The following TESMIN variants were observed in gnomAD, a reference collection of about 807,000 sequenced individuals.
TESMIN encodes testis expressed metallothionein like protein, also known as CXC domain containing 2.
In TESMIN, 34 loss-of-function variants were observed where a neutral mutation model predicts 47.4. That is an observed-to-expected ratio of 0.72 (90% CI 0.55 to 0.96). TESMIN has a LOEUF of 0.96. Ranked by LOEUF, TESMIN falls within the 40% of genes least tolerant of loss-of-function variation. TESMIN has a pLI of 0.00. For missense variants in TESMIN, 610 were observed against 637.2 expected (o/e 0.96, Z 0.46); for synonymous variants, 278 against 258.9 (o/e 1.07, Z -0.71).
intron 7 of TESMIN, among the ~76,000 whole-genome samples, chr11:68,714,382 C>T (rs1305456355): frequency 6.6e-6 from 1 of 151,534 alleles, no homozygotes; most frequent in Non-Finnish European, 1.5e-5. Flanking sequence ...TGTACCTGTG[C>T]ACACCTGTGT....
rs1476061595 is a variant in TESMIN, at chr11:68,750,260, C to T, written c.401G>A (p.Ser134Asn). ...GGCGCCCAGGGGCAACACCGCCGGG[C>T]TGCGGTGCGCGGGTAGCAGCGAGGA... ...FLSSLLPAHR[S>N]PAVLPLGAWV... The change falls in exon 2 of 10, where the codon AGC becomes AAC. Residue 134 changes from serine (S) to asparagine (N), a missense_variant. Transcript: ENST00000255087. The T allele has an allele frequency of 6.5e-7, 1 of 1,543,974 alleles. No individual in the cohort carries two copies. The highest frequency in any genetic ancestry group is 2.4e-5 in the East Asian group (1 of 41,316).
intron 4 of TESMIN, among the ~76,000 whole-genome samples, chr11:68,742,686 T>C (rs1946470878): frequency 6.6e-6 from 1 of 152,096 alleles, no homozygotes; most frequent in Non-Finnish European, 1.5e-5. Flanking sequence ...GTTCCCAAAT[T>C]GTGTGCCAAG....
intron 6 of TESMIN, chr11:68,737,950 AAAACAAAC>A (rs969537101): frequency 1.0e-6 from 1 of 983,802 alleles, no homozygotes; most frequent in South Asian, 4.7e-5. Context: ...AAAACAAGAA[AAAACAAAC>A]AAACAAACAA....
In TESMIN at chr11:68,708,424, C is replaced by T. The variant is rs367828046; in HGVS notation, c.1411G>A (p.Glu471Lys). The T allele has an allele frequency of 1.5e-5, 25 of 1,614,072 alleles. No homozygotes were observed. The highest frequency in any genetic ancestry group is 1.2e-4 in the African/African-American group (9 of 74,940). Residue 471 changes from glutamate (E) to lysine (K), a missense_variant, in exon 10 of 10, where the codon GAG (glutamate) becomes AAG (lysine). Physicochemically the swap from Glu to Lys is moderately conservative, Grantham distance 56 (BLOSUM62 1). Coordinates refer to ENST00000255087, the MANE Select transcript of TESMIN (RefSeq NM_004923.3). Reference sequence around the variant, plus strand: ...AGGCACTTGGAGCAGTGTTCTTTCTCGGCCTCTTCTCCCTGAGCAAGCAGG... The same window carrying T: ...AGGCACTTGGAGCAGTGTTCTTTCTTGGCCTCTTCTCCCTGAGCAAGCAGG... Reference protein sequence around the residue: ...ACLLAQGEEAEKEHCSKCLAE... With the variant: ...ACLLAQGEEAKKEHCSKCLAE...
At chr11:68,735,766 G>A (rs1946380236) in intron 6 of TESMIN, among the ~76,000 whole-genome samples, 1 of 152,258 alleles carries the variant, frequency 6.6e-6, no homozygotes, top group Admixed American at 6.5e-5. Flanking sequence ...AGGCAGCATA[G>A]TTCGGCACAG....
intron 2 of TESMIN, among the ~76,000 whole-genome samples, chr11:68,749,375 A>G (rs1946561114): frequency 1.3e-5 from 2 of 152,380 alleles, no homozygotes; most frequent in African/African-American, 4.8e-5. Context: ...AGCCATCTCA[A>G]TACTGACTCA....
At chr11:68,742,020 A>G (rs888539382) in intron 5 of TESMIN, among the ~76,000 whole-genome samples, 3 of 152,236 alleles carry the variant, frequency 2.0e-5, no homozygotes, top group Admixed American at 6.5e-5. Context: ...GAGGTGGAAT[A>G]TGCTGTTGGT....
chr11:68,720,131 C>G (rs1946188222), intron 6 of TESMIN, among the ~76,000 whole-genome samples: 1 of 152,146 alleles, frequency 6.6e-6, no homozygotes. Context: ...CAGAAAAAAC[C>G]TGACAACCTA....
chr11:68,734,569 C>T lies in TESMIN; in HGVS notation c.917+4131G>A, dbSNP rs11820323. Among the ~76,000 whole-genome samples, 882 of 152,342 alleles carry T rather than the reference C, an allele frequency of 5.8e-3. 10 individuals carry two copies. The highest frequency in any genetic ancestry group is 0.02 in the African/African-American group (822 of 41,572). ...TTTAATTTAGAATTCTGTGACAGGGCTGTCCCTGTGCCCAGTGGGGGCATG... is the reference window on the plus strand; with the variant it reads ...TTTAATTTAGAATTCTGTGACAGGGTTGTCCCTGTGCCCAGTGGGGGCATG... On this transcript the variant is annotated intron_variant, in intron 6 of 9. Coordinates refer to ENST00000255087, the MANE Select transcript of TESMIN (RefSeq NM_004923.3).
At chr11:68,718,275 A>G (rs112642957) in intron 6 of TESMIN, among the ~76,000 whole-genome samples, 3 of 150,566 alleles carry the variant, frequency 2.0e-5, no homozygotes, top group African/African-American at 7.3e-5. Flanking sequence ...AGGGGCCCAG[A>G]GAAACGGACC....
rs1009430857 is a variant in TESMIN at position 68,747,247 on chromosome 11, A to G, written c.591T>C (p.Asp197=). The G allele has an allele frequency of 1.2e-6, 2 of 1,614,238 alleles. No individual in the cohort carries two copies. The highest frequency in any genetic ancestry group is 2.2e-5 in the South Asian group (2 of 91,090). The change falls in exon 3 of 10, where the codon GAT becomes GAC. Residue 197 remains aspartate, a synonymous_variant. Transcript: ENST00000255087. ...CTTTCTTAAGAGAACAGCAGGAGGCATCCTCTAGTTCCTGGGACGATGGGA... is the reference window on the plus strand; with the variant it reads ...CTTTCTTAAGAGAACAGCAGGAGGCGTCCTCTAGTTCCTGGGACGATGGGA... ...CKFPSSQELE[D]ASCCSLKKDS... is the part of the protein sequence containing the mutation.
chr11:68,722,844 G>C (rs1946218775), intron 6 of TESMIN, among the ~76,000 whole-genome samples: 1 of 152,038 alleles, frequency 6.6e-6, no homozygotes, highest in Non-Finnish European at 1.5e-5. Context: ...ACAACTGATG[G>C]AATAATTCAC....
At chr11:68,725,073 A>G (rs779707624) in intron 6 of TESMIN, among the ~76,000 whole-genome samples, 27 of 152,154 alleles carry the variant, frequency 1.8e-4, no homozygotes, top group Non-Finnish European at 3.2e-4. Flanking sequence ...TTAAATAGAA[A>G]GTTGAAGGAA....
chr11:68,744,906 C>T, intron 4 of TESMIN, 85 bp downstream of exon 4: 1 of 1,161,400 alleles, frequency 8.6e-7, no homozygotes, highest in Non-Finnish European at 1.2e-6. Flanking sequence ...TCCTGGTTGC[C>T]ATTTCACTTT....
intron 3 of TESMIN, chr11:68,747,002 A>G (rs1188171818): frequency 1.7e-6 from 1 of 595,738 alleles, no homozygotes; most frequent in Non-Finnish European, 3.0e-6. Flanking sequence ...ATCTTTGTTC[A>G]ATTTGCTAAG....
chr11:68,743,220 T>C (rs1358906117), intron 4 of TESMIN, among the ~76,000 whole-genome samples: 1 of 149,900 alleles, frequency 6.7e-6, no homozygotes, highest in African/African-American at 2.5e-5. Flanking sequence ...ATCTATTGGA[T>C]ACCACAGGAA....
At chr11:68,749,589 G>A (rs972768150) in intron 2 of TESMIN, among the ~76,000 whole-genome samples, 3 of 152,188 alleles carry the variant, frequency 2.0e-5, no homozygotes, top group Non-Finnish European at 4.4e-5. Context: ...GAGGGCAGTC[G>A]GCTGAGAGCT....
chr11:68,713,463 C>G, intron 7 of TESMIN, 56 bp from the exon 8 acceptor site: 13 of 1,579,620 alleles, frequency 8.2e-6, no homozygotes, highest in Non-Finnish European at 1.1e-5. Context: ...AAACTCAGCT[C>G]AATGAAGGGC....
intron 6 of TESMIN, among the ~76,000 whole-genome samples, chr11:68,719,117 A>G (rs1421456099): frequency 6.6e-6 from 1 of 152,202 alleles, no homozygotes; most frequent in East Asian, 1.9e-4. Flanking sequence ...AGCTGCACAC[A>G]GGCCTGGAAA....
Sources: allele counts gnomAD v4.1 joint callset (sites outside exome capture counted in the v4.1 genomes callset), GRCh38; gene constraint gnomAD v4.1.1; transcripts MANE v1.5; gene names NCBI Gene and HGNC (gene_info 2026-07-23, HGNC 2026-07-21).